Variants in RFWD3 observed in about 807,000 individuals in gnomAD.
RFWD3 encodes the protein ring finger and WD repeat domain 3.
In RFWD3, 65 loss-of-function variants were observed where a neutral mutation model predicts 87.7. The ratio of observed to expected loss-of-function variants is 0.74; its 90% CI spans 0.61 to 0.91. The LOEUF (loss-of-function observed/expected upper bound fraction) is 0.91. RFWD3 is among the 40% of genes least tolerant of loss of function. The pLI is 0.00. For synonymous variants in RFWD3, 433 were observed against 352.8 expected (o/e 1.23, Z -2.55); for missense variants, 1,078 against 938.5 (o/e 1.15, Z -1.94).
intron 8 of RFWD3, among the ~76,000 whole-genome samples, chr16:74,633,339 G>A (rs1473318435): frequency 1.4e-5 from 2 of 143,936 alleles, no homozygotes; most frequent in African/African-American, 2.6e-5. Context: ...TGACAATGAA[G>A]AGAAGAAGAA....
intron 1 of RFWD3, chr16:74,666,261 C>G (rs950112724): frequency 2.0e-5 from 3 of 152,220 alleles, no homozygotes; most frequent in Non-Finnish European, 4.4e-5. Flanking sequence ...TGTTCTTTTA[C>G]TACATGGGGA....
chr16:74,660,438 G>C (rs1216358410), intron 2 of RFWD3, among the ~76,000 whole-genome samples: 1 of 152,226 alleles, frequency 6.6e-6, no homozygotes, highest in Non-Finnish European at 1.5e-5. Flanking sequence ...GGACGACAGA[G>C]TGAGACGCTG....
chr16:74,650,092 G>T (rs1227385377), intron 3 of RFWD3, among the ~76,000 whole-genome samples: 2 of 152,084 alleles, frequency 1.3e-5, no homozygotes, highest in Non-Finnish European at 2.9e-5. Flanking sequence ...GACATTTTAT[G>T]TAAGTGGAAT....
At chr16:74,630,452 C>A (rs1959059419) in intron 10 of RFWD3, among the ~76,000 whole-genome samples, 1 of 152,176 alleles carries the variant, frequency 6.6e-6, no homozygotes, top group Non-Finnish European at 1.5e-5. Context: ...ATTAAGCTCA[C>A]AGTGGGCCAA....
intron 1 of RFWD3, among the ~76,000 whole-genome samples, chr16:74,662,943 T>C (rs111911320): frequency 0.039 from 5,956 of 151,242 alleles, 150 homozygotes; most frequent in Non-Finnish European, 0.064. Flanking sequence ...CTCGCTCTGT[T>C]GCCCAGGCTG....
At chr16:74,624,383 C>A (rs1958858583) in intron 12 of RFWD3, among the ~76,000 whole-genome samples, 1 of 152,150 alleles carries the variant, frequency 6.6e-6, no homozygotes, top group South Asian at 2.1e-4. Context: ...CCTGTCTTTG[C>A]CCTCATGGAA....
chr16:74,659,502 C>T (rs1161078021), intron 2 of RFWD3, among the ~76,000 whole-genome samples: 1 of 151,964 alleles, frequency 6.6e-6, no homozygotes, highest in Non-Finnish European at 1.5e-5. Context: ...GGCTGAGGCA[C>T]AAGAATCGCT....
intron 8 of RFWD3, among the ~76,000 whole-genome samples, chr16:74,636,034 C>G (rs181873122): frequency 6.6e-6 from 1 of 152,276 alleles, no homozygotes; most frequent in East Asian, 1.9e-4. Context: ...CATTTCCAGT[C>G]TAAAATGCAT....
chr16:74,640,839 T>C (rs1959578523), intron 6 of RFWD3, among the ~76,000 whole-genome samples: 1 of 151,992 alleles, frequency 6.6e-6, no homozygotes. Flanking sequence ...CTCGTAAGGC[T>C]GAGGCAGGAG....
intron 8 of RFWD3, among the ~76,000 whole-genome samples, chr16:74,634,376 CTT>C (rs890245119): frequency 1.0e-5 from 1 of 97,230 alleles, no homozygotes; most frequent in Non-Finnish European, 1.9e-5. Flanking sequence ...TTACTAAGTA[CTT>C]TATATATATA....
At chr16:74,647,474 G>A (rs530531070) in intron 4 of RFWD3, among the ~76,000 whole-genome samples, 1 of 152,124 alleles carries the variant, frequency 6.6e-6, no homozygotes, top group South Asian at 2.1e-4. Context: ...TTTTAGTAGA[G>A]ATGGGGTTTC....
At chr16:74,665,926 G>A (rs1215777613) in intron 1 of RFWD3, among the ~76,000 whole-genome samples, 1 of 152,022 alleles carries the variant, frequency 6.6e-6, no homozygotes, top group African/African-American at 2.4e-5. Flanking sequence ...TCGAACTCCT[G>A]GCCTCAGGTG....
chr16:74,628,449 T>A lies in RFWD3; in HGVS notation c.1969+3A>T. ...AGCTATGGGAGACCCCAGCACTACT[T>A]ACCAGGCCTGTAGGTCACAAGACAG... On this transcript the variant is annotated splice_donor_region_variant and intron_variant, in intron 11 of 12. Transcript: ENST00000361070. The A allele has an allele frequency of 6.2e-7, 1 of 1,613,890 alleles. No homozygotes were observed. Among genetic ancestry groups the A allele is most frequent in the East Asian group, 2.2e-5 (1 of 44,878 alleles).
At chr16:74,636,658 G>GA (rs1266037096) in intron 7 of RFWD3, 81 bp from the exon 8 acceptor site, 2 of 1,075,682 alleles carry the variant, frequency 1.9e-6, no homozygotes, top group East Asian at 5.2e-5. Context: ...TCTTTTACAG[G>GA]AAGATTTTTT....
chr16:74,632,598 C>T lies in RFWD3; in HGVS notation c.1502G>A (p.Arg501His). ...GAGGTAACTGCTAAACGCCAGTCCA[C>T]GGATCTGTTTGCCATGCATCGGAAT... ...QYIPMHGKQI[R>H]GLAFSSYLRG... Residue 501 changes from arginine (R) to histidine (H), a missense_variant, in exon 9 of 13, where the codon CGT (arginine) becomes CAT (histidine). Physicochemically the swap from Arg to His is conservative, Grantham distance 29. Transcript: ENST00000361070. The T allele has an allele frequency of 5.0e-6, 8 of 1,614,088 alleles. No homozygotes were observed. Among genetic ancestry groups the T allele is most frequent in the South Asian group, 1.1e-5 (1 of 91,080 alleles).
At chr16:74,666,422 GGC>G (rs930618124) in intron 1 of RFWD3, 9 of 152,144 alleles carry the variant, frequency 5.9e-5, no homozygotes, top group Non-Finnish European at 1.2e-4. Context: ...GCTCAGAGCG[GGC>G]GCAGGCAACG....
chr16:74,633,334 A>G (rs1325231886), intron 8 of RFWD3, among the ~76,000 whole-genome samples: 3 of 151,618 alleles, frequency 2.0e-5, no homozygotes, highest in Non-Finnish European at 4.4e-5. Flanking sequence ...CTTCATGACA[A>G]TGAAGAGAAG....
intron 2 of RFWD3, among the ~76,000 whole-genome samples, chr16:74,659,468 G>A (rs573518199): frequency 2.0e-5 from 3 of 152,102 alleles, no homozygotes; most frequent in Non-Finnish European, 4.4e-5. Context: ...GCTGGTGCAC[G>A]CCTGCAATCC....
At position 74,661,312 on chromosome 16, in the gene RFWD3, G is replaced by A. The variant is rs780284858; in HGVS notation, c.138C>T (p.Ser46=). Residue 46 remains serine, a synonymous_variant, in exon 2 of 13, where the codon AGC becomes AGT. Coordinates refer to ENST00000361070, the MANE Select transcript of RFWD3 (RefSeq NM_018124.4). ...GCTGGAGGATGGATGGTACCCCCTG[G>A]CTGCTGACCACATCAGCAGGAACAG... ...LQPVPADVVS[S]QGVPSILQPA... is the part of the protein sequence containing the mutation. The A allele has an allele frequency of 6.8e-6, 11 of 1,613,952 alleles. No individual in the cohort carries two copies. In the East Asian group the frequency reaches 2.0e-4, roughly 29 times the overall value.
Sources: allele counts gnomAD v4.1 joint callset (sites outside exome capture counted in the v4.1 genomes callset), GRCh38; gene constraint gnomAD v4.1.1; transcripts MANE v1.5; gene names NCBI Gene and HGNC (gene_info 2026-07-23, HGNC 2026-07-21).